CBR4: variants seen among roughly 807,000 people sequenced by gnomAD.
CBR4 encodes 3-oxoacyl-[acyl-carrier-protein] reductase.
In CBR4, 22 loss-of-function variants were observed where a neutral mutation model predicts 21.0. The ratio of observed to expected loss-of-function variants is 1.05; its 90% CI spans 0.75 to 1.50. The LOEUF is 1.50. Ranked by LOEUF, CBR4 falls within the 40% of genes most tolerant of loss-of-function variation. The pLI is 0.00. For synonymous variants in CBR4, 100 were observed against 104.4 expected, an observed-to-expected ratio of 0.96 and a Z score of 0.26; for missense variants, 302 against 286.3, an observed-to-expected ratio of 1.05 and a Z score of -0.40.
rs557256786 is a variant in CBR4, at chr4:168,934,983, C to T, written n.170-40218G>A. Among the ~76,000 whole-genome samples the T allele has an allele frequency of 1.4e-3, 215 of 152,220 alleles. 1 individual carries two copies. The highest frequency in any genetic ancestry group is 4.6e-3 in the African/African-American group (191 of 41,544). The stretch of plus-strand genomic sequence containing the variant: ...ACATCACATCAGAAAGATCATACAC[C>T]GAAGATGGCCAAATGGGAACAGCTC... On this transcript the variant is annotated intron_variant and non_coding_transcript_variant, in intron 2 of 3. Transcript: ENST00000509108.
chr4:168,894,953 A>G (rs1754792970), intron 2 of CBR4, among the ~76,000 whole-genome samples: 1 of 152,112 alleles, frequency 6.6e-6, no homozygotes, highest in African/African-American at 2.4e-5. Context: ...TTCCTATCCT[A>G]AGTTTTATGC....
intron 2 of CBR4, among the ~76,000 whole-genome samples, chr4:168,957,717 G>A (rs745836504): frequency 2.6e-4 from 39 of 152,090 alleles, no homozygotes; most frequent in African/African-American, 8.2e-4. Flanking sequence ...CTGGAATCAC[G>A]CAATATGAAT....
chr4:168,991,755 C>A (rs1578994593), intron 4 of CBR4, among the ~76,000 whole-genome samples: 1 of 152,030 alleles, frequency 6.6e-6, no homozygotes, highest in Non-Finnish European at 1.5e-5. Flanking sequence ...GTATATTACT[C>A]AATCATTTGG....
Position 169,006,783 on chromosome 4 carries a change from T to G in CBR4, c.372A>C (p.Gln124His), listed in dbSNP as rs1730941666. The change falls in exon 3 of 5, where the codon CAA (glutamine) becomes CAC (histidine). Residue 124 changes from glutamine (Q) to histidine (H), a missense_variant. Coordinates refer to ENST00000306193, the MANE Select transcript of CBR4 (RefSeq NM_032783.5). ...TCKAAMRTMI[Q>H]QQGGSIVNVG... ...CATTAACAATAGACCCTCCCTGTTGTTGAATCATAGTCCTCATGGCAGCTT... is the reference window on the plus strand; with the variant it reads ...CATTAACAATAGACCCTCCCTGTTGGTGAATCATAGTCCTCATGGCAGCTT... 1 of 1,614,024 alleles carries G rather than the reference T, an allele frequency of 6.2e-7. No individual in the cohort carries two copies. The highest frequency in any genetic ancestry group is 1.7e-5 in the Admixed American group (1 of 60,024).
At chr4:168,979,023 G>A (rs893264517) in intron 2 of CBR4, among the ~76,000 whole-genome samples, 5 of 152,106 alleles carry the variant, frequency 3.3e-5, no homozygotes, top group African/African-American at 1.2e-4. Flanking sequence ...GGAGCAAAGA[G>A]GTTAGGGACT....
At chr4:168,902,150 TGACA>T (rs1165209388) in intron 2 of CBR4, among the ~76,000 whole-genome samples, 1 of 152,234 alleles carries the variant, frequency 6.6e-6, no homozygotes, top group Non-Finnish European at 1.5e-5. Context: ...TCAAATACTT[TGACA>T]GACAGTTGAA....
At chr4:168,897,882 T>C (rs1194239574) in intron 2 of CBR4, 7 of 151,828 alleles carry the variant, frequency 4.6e-5, no homozygotes, top group Admixed American at 4.6e-4. Context: ...CTTCTAAAGA[T>C]GGTGGGTTCC....
chr4:169,009,876 T>C, intron 1 of CBR4, 72 bp downstream of exon 1: 1 of 1,436,780 alleles, frequency 7.0e-7, no homozygotes, highest in South Asian at 1.3e-5. Flanking sequence ...ACCCGCTCTT[T>C]TTACAAAGGA....
chr4:168,973,980 T>C lies in CBR4; in HGVS notation n.169+28091A>G, dbSNP rs143371482. On this transcript the variant is annotated intron_variant and non_coding_transcript_variant, in intron 2 of 3. Transcript: ENST00000509108. ...TCATGCTAGTTGTTGCCTGAATACC[T>C]TGGGCTTTTTTTCATTGTGTTATTG... Among the ~76,000 whole-genome samples, 92 of 152,342 alleles carry C rather than the reference T, an allele frequency of 6.0e-4. 2 individuals carry two copies. The East Asian group carries it at 0.017, about 28-fold the overall frequency.
chr4:168,938,730 G>GAC (rs1261875642), intron 2 of CBR4, among the ~76,000 whole-genome samples: 10 of 152,216 alleles, frequency 6.6e-5, no homozygotes, highest in Admixed American at 3.3e-4. Flanking sequence ...TAAATTCCTG[G>GAC]ACACATAAAC....
At chr4:168,970,392 G>A (rs1764169059) in intron 2 of CBR4, among the ~76,000 whole-genome samples, 1 of 152,104 alleles carries the variant, frequency 6.6e-6, no homozygotes, top group South Asian at 2.1e-4. Flanking sequence ...TGTGTATCAT[G>A]TGAAGAACCA....
At chr4:168,967,974 A>T (rs1223053107) in intron 2 of CBR4, among the ~76,000 whole-genome samples, 1 of 152,156 alleles carries the variant, frequency 6.6e-6, no homozygotes, top group South Asian at 2.1e-4. Flanking sequence ...GGCCCTCAAC[A>T]CTACCTGATC....
At chr4:168,896,791 G>A (rs1755277781) in intron 2 of CBR4, among the ~76,000 whole-genome samples, 1 of 151,692 alleles carries the variant, frequency 6.6e-6, no homozygotes, top group South Asian at 2.1e-4. Flanking sequence ...GTATTTACCA[G>A]CTTGAATTTA....
intron 2 of CBR4, among the ~76,000 whole-genome samples, chr4:168,979,973 C>T (rs1191728572): frequency 2.0e-5 from 3 of 152,114 alleles, no homozygotes; most frequent in African/African-American, 2.4e-5. Context: ...CCCCCAATTC[C>T]CCTGCTCTTC....
chr4:168,970,833 G>GATAT (rs71588181), intron 2 of CBR4, among the ~76,000 whole-genome samples: 6,884 of 149,476 alleles, frequency 0.046, 165 homozygotes, highest in South Asian at 0.066. Flanking sequence ...AGTAGTCCAT[G>GATAT]ATATATATAT....
At chr4:168,920,710 G>A (rs1761299396) in intron 2 of CBR4, among the ~76,000 whole-genome samples, 2 of 152,254 alleles carry the variant, frequency 1.3e-5, no homozygotes, top group South Asian at 2.1e-4. Flanking sequence ...ATGGTAATTT[G>A]TTGAGATGGC....
intron 2 of CBR4, chr4:168,903,731 TC>T (rs759534146): frequency 6.3e-7 from 1 of 1,594,816 alleles, no homozygotes; most frequent in Non-Finnish European, 8.6e-7. Flanking sequence ...AAACTCCTAA[TC>T]TTTAATCTTT....
chr4:168,951,394 T>C (rs1763537055), intron 2 of CBR4, among the ~76,000 whole-genome samples: 1 of 152,246 alleles, frequency 6.6e-6, no homozygotes, highest in Admixed American at 6.5e-5. Flanking sequence ...AGGCTATTTA[T>C]ATTCAATGTT....
downstream of CBR4, among the ~76,000 whole-genome samples, chr4:168,983,828 C>T (rs937708018): frequency 1.6e-4 from 24 of 151,802 alleles, no homozygotes; most frequent in African/African-American, 5.6e-4. Context: ...TCACAAGAGA[C>T]AGAGAAAAGG....
Sources: allele counts gnomAD v4.1 joint callset (sites outside exome capture counted in the v4.1 genomes callset), GRCh38; gene constraint gnomAD v4.1.1; transcripts MANE v1.5; gene names NCBI Gene and HGNC (gene_info 2026-07-23, HGNC 2026-07-21).